The following AMPH variants were observed in gnomAD, a reference collection of about 807,000 sequenced individuals.
AMPH encodes the protein amphiphysin (Stiff-Mann syndrome with breast cancer 128kD autoantigen).
A neutral mutation model predicts 99.1 loss-of-function variants in AMPH; 49 were observed. That is an observed-to-expected ratio of 0.49 (90% CI 0.39 to 0.63). The LOEUF is 0.63. Among genes scored for constraint, AMPH ranks in the 20% least tolerant of loss-of-function variants. The probability of loss-of-function intolerance (pLI) is 0.00; values close to 1 mark genes in which losing one functional copy is unlikely to be tolerated. For missense variants in AMPH, 759 were observed against 863.4 expected (o/e 0.88, Z 1.52); for synonymous variants, 314 against 317.3 (o/e 0.99, Z 0.11).
chr7:38,479,839 A>G (rs1447151366), intron 5 of AMPH, among the ~76,000 whole-genome samples: 1 of 152,088 alleles, frequency 6.6e-6, no homozygotes, highest in Non-Finnish European at 1.5e-5. Flanking sequence ...ATAAATGAGA[A>G]AAATGTAAAA....
intron 1 of AMPH, among the ~76,000 whole-genome samples, chr7:38,570,279 T>C (rs1791895482): frequency 2.0e-5 from 3 of 152,202 alleles, no homozygotes; most frequent in African/African-American, 4.8e-5. Flanking sequence ...CATTGGTTTT[T>C]ATTTTGCAGA....
chr7:38,445,051 G>GGTATATACATATATATACATATATAC (rs1562760061), intron 11 of AMPH, among the ~76,000 whole-genome samples: 7 of 142,780 alleles, frequency 4.9e-5, no homozygotes, highest in East Asian at 2.2e-4. Flanking sequence ...TACATATATA[G>GGTATATACATATATATACATATATAC]ATGGTATATA....
intron 11 of AMPH, among the ~76,000 whole-genome samples, chr7:38,443,154 T>C (rs928199928): frequency 6.6e-6 from 1 of 151,968 alleles, no homozygotes; most frequent in Admixed American, 6.6e-5. Context: ...AAACACAAAC[T>C]ACAAATACAA....
chr7:38,436,456 G>T, intron 11 of AMPH, 68 bp from the exon 12 acceptor site: 2 of 1,118,820 alleles, frequency 1.8e-6, no homozygotes, highest in Non-Finnish European at 1.4e-6. Flanking sequence ...CCATGATATA[G>T]CCCATGTATA....
chr7:38,391,259 T>C (rs1304825928), intron 19 of AMPH, among the ~76,000 whole-genome samples: 1 of 152,210 alleles, frequency 6.6e-6, no homozygotes, highest in African/African-American at 2.4e-5. Context: ...CGCCTTTTTT[T>C]TCTGCCTTTT....
chr7:38,548,124 G>A (rs1791056071), intron 1 of AMPH, among the ~76,000 whole-genome samples: 1 of 150,662 alleles, frequency 6.6e-6, no homozygotes, highest in Non-Finnish European at 1.5e-5. Flanking sequence ...CACCTCCTGG[G>A]TTCACGCCAT....
At chr7:38,392,993 A>C (rs1203359228) in intron 18 of AMPH, among the ~76,000 whole-genome samples, 3 of 152,176 alleles carry the variant, frequency 2.0e-5, no homozygotes, top group Non-Finnish European at 2.9e-5. Context: ...ATGAGCATGG[A>C]GGGGAGTTTC....
chr7:38,406,372 G>A (rs1024568204), intron 17 of AMPH, among the ~76,000 whole-genome samples: 13 of 151,508 alleles, frequency 8.6e-5, no homozygotes, highest in African/African-American at 2.9e-4. Context: ...AGATCAGAGC[G>A]GAACTAAATG....
At chr7:38,590,717 C>T (rs1269489308) in intron 1 of AMPH, among the ~76,000 whole-genome samples, 6 of 152,056 alleles carry the variant, frequency 3.9e-5, no homozygotes, top group South Asian at 4.1e-4. Flanking sequence ...AAGGTGGGTG[C>T]GGTCACCTTC....
intron 1 of AMPH, among the ~76,000 whole-genome samples, chr7:38,601,512 T>C (rs1186077800): frequency 6.6e-6 from 1 of 152,230 alleles, no homozygotes; most frequent in Non-Finnish European, 1.5e-5. Context: ...AAAGCTGTAT[T>C]CTAATAATTA....
intron 3 of AMPH, among the ~76,000 whole-genome samples, chr7:38,494,880 C>A (rs1788871549): frequency 6.6e-6 from 1 of 152,128 alleles, no homozygotes; most frequent in Admixed American, 6.5e-5. Context: ...CATAAAACTG[C>A]AGAGTTCTCA....
In AMPH at chr7:38,556,615, G is replaced by C. The variant is rs554270437; in HGVS notation, c.70-21604C>G. On this transcript the variant is annotated intron_variant, in intron 1 of 20. Transcript: ENST00000356264. The stretch of plus-strand genomic sequence containing the variant: ...AAAGGTGCTTCTGGCAAAGGAGAAA[G>C]CACATCATTCACACCACCCTCCACT... Among the ~76,000 whole-genome samples the C allele has an allele frequency of 2.6e-5, 4 of 152,288 alleles. No individual in the cohort carries two copies. The East Asian group carries it at 5.8e-4, about 22-fold the overall frequency.
rs192260995 is a variant in AMPH at position 38,491,629 on chromosome 7, C to T, written c.301-484G>A. Reference sequence around the variant, plus strand: ...TTTATGGAGTATCAATTATGTTAAACGTACAATGAATATTAGGTATTACTA... The same window carrying T: ...TTTATGGAGTATCAATTATGTTAAATGTACAATGAATATTAGGTATTACTA... On this transcript the variant is annotated intron_variant, in intron 4 of 20. Transcript: ENST00000356264. Among the ~76,000 whole-genome samples the T allele has an allele frequency of 9.2e-5, 14 of 152,288 alleles. No individual in the cohort carries two copies. In the East Asian group the frequency reaches 9.7e-4, roughly 11 times the overall value.
At chr7:38,434,162 G>C (rs934480523) in intron 12 of AMPH, among the ~76,000 whole-genome samples, 3 of 152,166 alleles carry the variant, frequency 2.0e-5, no homozygotes, top group African/African-American at 7.2e-5. Flanking sequence ...ACCTGGCCCT[G>C]AGGAAGAGCA....
At chr7:38,557,519 C>T (rs1433006971) in intron 1 of AMPH, among the ~76,000 whole-genome samples, 2 of 152,176 alleles carry the variant, frequency 1.3e-5, no homozygotes, top group Non-Finnish European at 2.9e-5. Context: ...CCACGTGAAG[C>T]AGGATGTGTT....
chr7:38,558,798 G>A (rs1166416748), intron 1 of AMPH, among the ~76,000 whole-genome samples: 1 of 152,184 alleles, frequency 6.6e-6, no homozygotes, highest in East Asian at 1.9e-4. Flanking sequence ...ACCCAGGCCA[G>A]TCAACATGGG....
Position 38,614,525 on chromosome 7 carries a change from G to A in AMPH, c.69+16758C>T, listed in dbSNP as rs534747673. 2.8e-4 allele frequency among the ~76,000 whole-genome samples: 42 copies of A among 152,258 alleles called. 1 individual carries two copies. The South Asian group carries it at 8.1e-3, about 29-fold the overall frequency. ...GAAACATCTGCCCTTTGGAGAAATCGGCCCTTTGCCAATTGGTAGAGCACA... is the reference window on the plus strand; with the variant it reads ...GAAACATCTGCCCTTTGGAGAAATCAGCCCTTTGCCAATTGGTAGAGCACA... On this transcript the variant is annotated intron_variant, in intron 1 of 20. Coordinates refer to ENST00000356264, the MANE Select transcript of AMPH (RefSeq NM_001635.4).
chr7:38,524,751 T>C (rs1437081823), intron 2 of AMPH, among the ~76,000 whole-genome samples: 1 of 152,198 alleles, frequency 6.6e-6, no homozygotes, highest in Non-Finnish European at 1.5e-5. Flanking sequence ...ATTTAAAATA[T>C]ACAAAATAAA....
intron 1 of AMPH, among the ~76,000 whole-genome samples, chr7:38,602,365 G>A (rs1193949154): frequency 2.0e-5 from 3 of 152,182 alleles, no homozygotes; most frequent in Non-Finnish European, 2.9e-5. Flanking sequence ...TTTGTTCTGG[G>A]GGTCAGAAGT....
Sources: gnomAD v4.1 joint callset for allele counts (sites outside exome capture counted in the v4.1 genomes callset) on GRCh38, gnomAD v4.1.1 for gene constraint, MANE v1.5 for transcripts, NCBI Gene and HGNC (gene_info 2026-07-23, HGNC 2026-07-21) for gene names.